Variants in CLEC16A observed in about 807,000 individuals in gnomAD.
The protein encoded by CLEC16A is C-type lectin domain containing 16A, also known as protein CLEC16A.
A neutral mutation model predicts 109.5 loss-of-function variants in CLEC16A; 51 were observed. That is an observed-to-expected ratio of 0.47 (90% CI 0.37 to 0.59). The LOEUF is 0.59. CLEC16A is among the 20% of genes least tolerant of loss of function. The pLI is 0.00. For synonymous variants in CLEC16A, 673 were observed against 564.2 expected (o/e 1.19, Z -2.73); for missense variants, 1,339 against 1,394.0 (o/e 0.96, Z 0.63).
In CLEC16A at chr16:10,956,650, G is replaced by A. The variant is rs555983306; in HGVS notation, c.81-1132G>A. The stretch of plus-strand genomic sequence containing the variant: ...AGGCTTCTGGTCCCCGCGCTGCTCA[G>A]GACTGGCCTCGGTGATTCTTTTGGT... On this transcript the variant is annotated intron_variant, in intron 1 of 23. Transcript: ENST00000409790. Among the ~76,000 whole-genome samples, 4 of 152,326 alleles carry A rather than the reference G, an allele frequency of 2.6e-5. 1 individual carries two copies. In the South Asian group the frequency reaches 8.3e-4, roughly 32 times the overall value.
chr16:10,995,287 C>T (rs1596955632), intron 10 of CLEC16A, among the ~76,000 whole-genome samples: 1 of 152,338 alleles, frequency 6.6e-6, no homozygotes, highest in Non-Finnish European at 1.5e-5. Context: ...AGGTAGGAAG[C>T]AGTGGAGCCA....
chr16:10,957,046 C>G (rs1008113248), intron 1 of CLEC16A, among the ~76,000 whole-genome samples: 2 of 152,224 alleles, frequency 1.3e-5, no homozygotes. Flanking sequence ...ATCCACCCAC[C>G]TTGGCCTCCC....
chr16:11,178,886 T>C lies in CLEC16A; in HGVS notation c.*196T>C. 3.8e-6 allele frequency: 2 copies of C among 522,298 alleles called. No homozygotes were observed. Among genetic ancestry groups the C allele is most frequent in the Non-Finnish European group, 6.7e-6 (2 of 298,150 alleles). The allele number at this position is 522,298 out of a possible 1,614,324, so 32.4% of individuals were successfully genotyped here. A position where few individuals can be genotyped will look rare whatever the true frequency, so the allele number is the denominator to read the frequency against. On this transcript the variant is annotated 3_prime_UTR_variant, in exon 24 of 24. Coordinates refer to ENST00000409790, the MANE Select transcript of CLEC16A (RefSeq NM_015226.3). The surrounding 1 kb of genome is among the most constrained non-coding windows in gnomAD (Gnocchi z 6.5). ...GAATTCCTTTTTCACTTTGCATCTC[T>C]TCACGTGCAGGCTGGGACCAGCGGA...
chr16:11,012,594 CAAAAAAAA>C (rs551902895), intron 11 of CLEC16A, among the ~76,000 whole-genome samples: 4,595 of 67,830 alleles, frequency 0.068, 171 homozygotes, highest in African/African-American at 0.19. Flanking sequence ...GACTCCGTCT[CAAAAAAAA>C]AAAAAAAAAA....
chr16:10,982,916 G>C lies in CLEC16A; in HGVS notation c.996G>C (p.Ser332=). 6.2e-7 allele frequency: 1 copy of C among 1,612,512 alleles called. No individual in the cohort carries two copies. Among genetic ancestry groups the C allele is most frequent in the South Asian group, 1.1e-5 (1 of 91,046 alleles). ...TACATCATGCACCGCTGGTGAACTC[G>C]TTAGCTGAAGTCATTCTGAATGGTG... ...LIIHHAPLVN[S]LAEVILNGDL... Residue 332 remains serine, a synonymous_variant, in exon 10 of 24, where the codon TCG becomes TCC. Coordinates refer to ENST00000409790, the MANE Select transcript of CLEC16A (RefSeq NM_015226.3).
At chr16:11,133,353 AT>A (rs576281033) in intron 22 of CLEC16A, among the ~76,000 whole-genome samples, 12 of 149,088 alleles carry the variant, frequency 8.0e-5, no homozygotes, top group African/African-American at 1.2e-4. Context: ...AAAAAAAAAA[AT>A]TTTTTTTTTG....
chr16:10,967,563 A>C (rs559622930), intron 3 of CLEC16A, among the ~76,000 whole-genome samples: 27 of 152,158 alleles, frequency 1.8e-4, no homozygotes, highest in Non-Finnish European at 3.7e-4. Flanking sequence ...TCTCCGAATA[A>C]TAGTAATAAT....
intron 9 of CLEC16A, among the ~76,000 whole-genome samples, chr16:10,980,266 C>T (rs1417449334): frequency 6.6e-6 from 1 of 152,206 alleles, no homozygotes; most frequent in Admixed American, 6.5e-5. Context: ...TCCTGACCAT[C>T]ACTCACAGCC....
intron 10 of CLEC16A, among the ~76,000 whole-genome samples, chr16:10,985,220 A>AAATATAT (rs1555526163): frequency 9.6e-6 from 1 of 104,088 alleles, no homozygotes; most frequent in African/African-American, 4.6e-5. Context: ...AAAAAAAAAA[A>AAATATAT]ATATATATAT....
intron 5 of CLEC16A, 46 bp downstream of exon 5, chr16:10,971,276 C>G (rs1242887381): frequency 1.5e-6 from 2 of 1,378,188 alleles, no homozygotes; most frequent in East Asian, 2.3e-5. Flanking sequence ...TCTGACTTGG[C>G]AGCAAGCACT....
chr16:11,046,933 A>G (rs1252187250), intron 16 of CLEC16A, among the ~76,000 whole-genome samples: 1 of 152,152 alleles, frequency 6.6e-6, no homozygotes. Context: ...AGGATTGTCC[A>G]TTTCTCCAGC....
In CLEC16A at chr16:11,146,433, G is replaced by A. The variant is rs2054059410; in HGVS notation, c.2642-19955G>A. On this transcript the variant is annotated intron_variant, in intron 22 of 23. Transcript: ENST00000409790. ...GATGGATGGATATTTGGATATAGAG[G>A]GATGAATGAATAAATAGATGAATAT... Among the ~76,000 whole-genome samples, 4 of 151,356 alleles carry A rather than the reference G, an allele frequency of 2.6e-5. No individual in the cohort carries two copies. In the South Asian group the frequency reaches 8.4e-4, roughly 32 times the overall value.
intron 18 of CLEC16A, among the ~76,000 whole-genome samples, chr16:11,059,681 G>C (rs558132977): frequency 6.6e-6 from 1 of 152,178 alleles, no homozygotes; most frequent in Non-Finnish European, 1.5e-5. Flanking sequence ...ACCCAAAGGC[G>C]CACTGGGATT....
chr16:11,152,976 G>A (rs1210388347), intron 22 of CLEC16A, among the ~76,000 whole-genome samples: 1 of 152,134 alleles, frequency 6.6e-6, no homozygotes, highest in African/African-American at 2.4e-5. Flanking sequence ...TATGAAGAAA[G>A]AAACCCAAAT....
chr16:11,164,570 A>G (rs973930456), intron 22 of CLEC16A, among the ~76,000 whole-genome samples: 1 of 152,194 alleles, frequency 6.6e-6, no homozygotes, highest in African/African-American at 2.4e-5. Context: ...CTGGTGCCAT[A>G]ACCTGGGTGT....
In CLEC16A at chr16:11,011,726, A is replaced by C. The variant is rs991270786; in HGVS notation, c.1303+8421A>C. Among the ~76,000 whole-genome samples, 8 of 152,320 alleles carry C rather than the reference A, an allele frequency of 5.3e-5. No homozygotes were observed. In the East Asian group the frequency reaches 1.2e-3, roughly 22 times the overall value. ...ATGTATGTACATATACAAAGTGTAC[A>C]TTTATATGTGCCTACATATACATAC... On this transcript the variant is annotated intron_variant, in intron 11 of 23. Transcript: ENST00000409790.
chr16:11,121,879 C>CAAAAAAAAAA (rs536067685), intron 20 of CLEC16A, among the ~76,000 whole-genome samples: 1 of 29,828 alleles, frequency 3.4e-5, no homozygotes, highest in Non-Finnish European at 5.8e-5. Flanking sequence ...GACCCTGTCT[C>CAAAAAAAAAA]AAAAAAAAAA....
chr16:10,977,422 C>T (rs369306187), intron 8 of CLEC16A, 23 bp downstream of exon 8: 11 of 1,604,218 alleles, frequency 6.9e-6, no homozygotes, highest in East Asian at 4.5e-5. Context: ...CCGTGGCTCC[C>T]GCTGGCTGAA....
At chr16:10,968,140 G>A (rs12923849) in intron 3 of CLEC16A, among the ~76,000 whole-genome samples, 20,134 of 152,300 alleles carry the variant, frequency 0.13, 1,640 homozygotes, top group Middle Eastern at 0.2. Context: ...AAGGACAGGC[G>A]ATGGGACAGC....
Sources: gnomAD v4.1 joint callset for allele counts (sites outside exome capture counted in the v4.1 genomes callset) on GRCh38, gnomAD v4.1.1 for gene constraint, Gnocchi (gnomAD v3.1) non-coding constraint, MANE v1.5 for transcripts, NCBI Gene and HGNC (gene_info 2026-07-23, HGNC 2026-07-21) for gene names.